MET: variants seen among roughly 807,000 people sequenced by gnomAD.
MET encodes hepatocyte growth factor receptor.
A neutral mutation model predicts 133.1 loss-of-function variants in MET; 48 were observed. That is an observed-to-expected ratio of 0.36 (90% CI 0.29 to 0.46). The LOEUF (loss-of-function observed/expected upper bound fraction) is 0.46, where lower values mean the gene tolerates loss of function less well. MET is among the 20% of genes least tolerant of loss of function. The pLI is 1.00. For missense variants in MET, 1,442 were observed against 1,695.9 expected, an observed-to-expected ratio of 0.85 and a Z score of 2.63; for synonymous variants, 628 against 616.5, an observed-to-expected ratio of 1.02 and a Z score of -0.28.
chr7:116,747,515 A>T (rs1311693340), intron 5 of MET, among the ~76,000 whole-genome samples: 1 of 152,208 alleles, frequency 6.6e-6, no homozygotes, highest in Non-Finnish European at 1.5e-5. Flanking sequence ...AACAAAGATC[A>T]AAAAAGACAA....
intron 1 of MET, among the ~76,000 whole-genome samples, chr7:116,683,200 C>A (rs187060407): frequency 3.3e-5 from 5 of 152,318 alleles, no homozygotes; most frequent in Admixed American, 1.3e-4. Context: ...ATCTTTTCTG[C>A]TCCTCTCCCT....
At chr7:116,753,481 C>A (rs572941913) in intron 5 of MET, among the ~76,000 whole-genome samples, 1 of 152,102 alleles carries the variant, frequency 6.6e-6, no homozygotes, top group Non-Finnish European at 1.5e-5. Flanking sequence ...TTTATAGGTG[C>A]CTAATGCGGT....
chr7:116,681,143 T>A (rs1266425510), intron 1 of MET, among the ~76,000 whole-genome samples: 1 of 152,116 alleles, frequency 6.6e-6, no homozygotes, highest in African/African-American at 2.4e-5. Context: ...TTGGGCCTCT[T>A]AGTCTGTCCT....
chr7:116,680,188 G>A (rs1456593956), intron 1 of MET, among the ~76,000 whole-genome samples: 1 of 152,100 alleles, frequency 6.6e-6, no homozygotes, highest in East Asian at 1.9e-4. Flanking sequence ...AGCTTGTTTT[G>A]ACATTTAATT....
intron 19 of MET, 30 bp downstream of exon 19, chr7:116,783,499 C>T (rs2117068035): frequency 6.2e-7 from 1 of 1,613,136 alleles, no homozygotes; most frequent in Non-Finnish European, 8.5e-7. Context: ...TGAGTTTCTC[C>T]TCTTTTACTT....
At position 116,713,275 on chromosome 7, in the gene MET, G is replaced by T. The variant is rs959615656; in HGVS notation, c.1200+12991G>T. ...CCGGGGGTAATGGCGGGCGCCTGTA[G>T]TCCCAGCTACTTGGGAGGCTGAGGC... On this transcript the variant is annotated intron_variant, in intron 2 of 20. Transcript: ENST00000397752. Among the ~76,000 whole-genome samples, 2 of 151,666 alleles carry T rather than the reference G, an allele frequency of 1.3e-5. 1 individual carries two copies. Among genetic ancestry groups the T allele is most frequent in the Admixed American group, 1.3e-4 (2 of 15,234 alleles).
chr7:116,699,526 C>A lies in MET; in HGVS notation c.442C>A (p.His148Asn), dbSNP rs199595181. 1.2e-6 allele frequency: 2 copies of A among 1,614,034 alleles called. No individual in the cohort carries two copies. Among genetic ancestry groups the A allele is most frequent in the Non-Finnish European group, 1.7e-6 (2 of 1,179,960 alleles). ...GACCTGCCAGCGACATGTCTTTCCC[C>A]ACAATCATACTGCTGACATACAGTC... ...RGTCQRHVFP[H>N]NHTADIQSEV... Residue 148 changes from histidine to asparagine, a missense_variant, in exon 2 of 21, where the codon CAC becomes AAC. Around this residue, in one of 6 missense-constraint regions of MET, gnomAD observed 762 missense variants for 792.4 expected, o/e 0.96. Transcript: ENST00000397752.
chr7:116,767,465 A>C (rs564648642), intron 11 of MET, among the ~76,000 whole-genome samples: 1 of 152,188 alleles, frequency 6.6e-6, no homozygotes, highest in African/African-American at 2.4e-5. Context: ...CGGTAAGTAG[A>C]TTTTGTGTCA....
intron 19 of MET, among the ~76,000 whole-genome samples, chr7:116,785,402 C>A (rs1584967761): frequency 6.6e-6 from 1 of 152,022 alleles, no homozygotes; most frequent in Non-Finnish European, 1.5e-5. Flanking sequence ...AGGAGCAGGA[C>A]CAAGTGGGGG....
At chr7:116,725,692 T>C (rs868575976) in intron 2 of MET, among the ~76,000 whole-genome samples, 34 of 151,528 alleles carry the variant, frequency 2.2e-4, no homozygotes, top group African/African-American at 8.0e-4. Context: ...CTGAATACTG[T>C]AGGCAATTGT....
chr7:116,773,934 T>C (rs1794910515), intron 14 of MET, among the ~76,000 whole-genome samples: 1 of 152,180 alleles, frequency 6.6e-6, no homozygotes, highest in Non-Finnish European at 1.5e-5. Context: ...AATGATACAT[T>C]TTGGTGCTAA....
At chr7:116,706,398 G>A (rs1249900741) in intron 2 of MET, among the ~76,000 whole-genome samples, 4 of 152,030 alleles carry the variant, frequency 2.6e-5, no homozygotes, top group African/African-American at 7.2e-5. Context: ...TTTTTGTAAA[G>A]CCCAAATGTT....
At chr7:116,698,898 T>C (rs996529473) in intron 1 of MET, among the ~76,000 whole-genome samples, 173 bp from the exon 2 acceptor site, 4 of 152,226 alleles carry the variant, frequency 2.6e-5, no homozygotes, top group Non-Finnish European at 5.9e-5. Context: ...TGTGGAGTCA[T>C]GTCCAACCGC....
chr7:116,784,784 C>A (rs191605951), intron 19 of MET, among the ~76,000 whole-genome samples: 3 of 152,294 alleles, frequency 2.0e-5, no homozygotes, highest in Admixed American at 1.3e-4. Context: ...AAAACACAAT[C>A]ATGCCTTCCC....
At chr7:116,744,349 C>A (rs1318314904) in intron 5 of MET, among the ~76,000 whole-genome samples, 1 of 151,434 alleles carries the variant, frequency 6.6e-6, no homozygotes, top group African/African-American at 2.4e-5. Context: ...ACATAAATGA[C>A]CTGATGGAGC....
chr7:116,771,677 T>C, intron 13 of MET, 23 bp downstream of exon 13: 2 of 1,613,240 alleles, frequency 1.2e-6, no homozygotes, highest in South Asian at 2.2e-5. Context: ...TACTGTTCAT[T>C]TTTAGAAGTT....
Position 116,796,500 on chromosome 7 carries a change from G to T in MET, c.*376G>T, listed in dbSNP as rs553602374. 260 of 395,404 alleles carry T rather than the reference G, an allele frequency of 6.6e-4. 1 individual carries two copies. In the South Asian group the frequency reaches 7.9e-3, roughly 12 times the overall value. 24.5% of individuals were successfully genotyped at this position (395,404 alleles called of 1,614,324 possible). ...ACTCAGAAGAGATAGTAATGCTCAG[G>T]ACAGGAGCGGCAGCCCCAGAACAGG... On this transcript the variant is annotated 3_prime_UTR_variant, in exon 21 of 21. Coordinates refer to ENST00000397752, the MANE Select transcript of MET (RefSeq NM_000245.4).
rs200113917 is a variant in MET, at chr7:116,702,921, C to T, written c.1200+2637C>T. Among the ~76,000 whole-genome samples, 42 of 152,168 alleles carry T rather than the reference C, an allele frequency of 2.8e-4. No homozygotes were observed. In the East Asian group the frequency reaches 6.0e-3, roughly 22 times the overall value. ...GGCCTTTTACATTTTAGGGGTCCAGCAGGTGTACCAGGCCTGACTTGCTTG... is the reference window on the plus strand; with the variant it reads ...GGCCTTTTACATTTTAGGGGTCCAGTAGGTGTACCAGGCCTGACTTGCTTG... On this transcript the variant is annotated intron_variant, in intron 2 of 20. Coordinates refer to ENST00000397752, the MANE Select transcript of MET (RefSeq NM_000245.4).
chr7:116,770,962 A>G (rs1343409141), intron 12 of MET, among the ~76,000 whole-genome samples: 1 of 152,228 alleles, frequency 6.6e-6, no homozygotes, highest in Non-Finnish European at 1.5e-5. Context: ...CCTAAAAATC[A>G]TAAAATGTTA....
Sources: gnomAD v4.1 joint callset for allele counts (sites outside exome capture counted in the v4.1 genomes callset) on GRCh38, gnomAD v4.1.1 for gene constraint, gnomAD v4.1.1 regional missense constraint, MANE v1.5 for transcripts, NCBI Gene and HGNC (gene_info 2026-07-23, HGNC 2026-07-21) for gene names.